The following KIF6 variants were observed in gnomAD, a reference collection of about 807,000 sequenced individuals.
The protein encoded by KIF6 is kinesin family member 6, also known as kinesin-like protein KIF6.
A neutral mutation model predicts 112.7 loss-of-function variants in KIF6; 106 were observed. The ratio of observed to expected loss-of-function variants is 0.94; its 90% CI spans 0.80 to 1.11. KIF6 has a LOEUF of 1.11. KIF6 is among the 50% of genes least tolerant of loss of function. KIF6 has a pLI of 0.00. For synonymous variants in KIF6, 339 were observed against 339.9 expected (o/e 1.00, Z 0.03); for missense variants, 929 against 964.0 (o/e 0.96, Z 0.48).
At chr6:39,693,615 G>C (rs1230176757) in intron 3 of KIF6, among the ~76,000 whole-genome samples, 1 of 151,812 alleles carries the variant, frequency 6.6e-6, no homozygotes. Flanking sequence ...GACTGAAACA[G>C]GAAGAAACAG....
intron 3 of KIF6, among the ~76,000 whole-genome samples, chr6:39,671,976 T>C (rs895748968): frequency 1.3e-5 from 2 of 152,214 alleles, no homozygotes; most frequent in African/African-American, 4.8e-5. Flanking sequence ...CACCCTGTGA[T>C]GGAATGGTGC....
intron 13 of KIF6, among the ~76,000 whole-genome samples, chr6:39,516,547 T>C (rs1302328160): frequency 6.6e-6 from 1 of 150,740 alleles, no homozygotes; most frequent in African/African-American, 2.4e-5. Context: ...ATAAAGGAAA[T>C]GATCTCATAC....
intron 13 of KIF6, among the ~76,000 whole-genome samples, chr6:39,530,688 T>C (rs2150543507): frequency 6.6e-6 from 1 of 152,168 alleles, no homozygotes; most frequent in South Asian, 2.1e-4. Flanking sequence ...TGGAGGTGAA[T>C]GGGAAATGAG....
At chr6:39,714,308 A>G (rs1789710100) in intron 3 of KIF6, among the ~76,000 whole-genome samples, 1 of 152,034 alleles carries the variant, frequency 6.6e-6, no homozygotes, top group Non-Finnish European at 1.5e-5. Context: ...TGTCCATCTA[A>G]CCATATGTTT....
chr6:39,463,097 T>G (rs9471112), intron 13 of KIF6, among the ~76,000 whole-genome samples: 27,588 of 152,100 alleles, frequency 0.18, 3,795 homozygotes, highest in African/African-American at 0.38. Flanking sequence ...CCCAACCCTC[T>G]CTACTTTCAA....
rs58810898 is a variant in KIF6, at chr6:39,349,631, C to CTTTTTTTTTT, written c.2181-3115_2181-3106dup. Among the ~76,000 whole-genome samples, 84 of 64,552 alleles carry CTTTTTTTTTT rather than the reference C, an allele frequency of 1.3e-3. 8 individuals carry two copies. The highest frequency in any genetic ancestry group is 4.3e-3 in the African/African-American group (67 of 15,490). The allele number at this position is 64,552 out of a possible 152,430, so 42.3% of individuals were successfully genotyped here. ...GAAGGTCTAGGTTTAATTTGTGGCT[C>CTTTTTTTTTT]TTTTTTTTTTTTTTTTTTTTTTTTT... On this transcript the variant is annotated intron_variant, in intron 19 of 22. Transcript: ENST00000287152.
At chr6:39,652,664 T>C (rs962443840) in intron 3 of KIF6, among the ~76,000 whole-genome samples, 1 of 152,318 alleles carries the variant, frequency 6.6e-6, no homozygotes, top group Non-Finnish European at 1.5e-5. Context: ...CTTATGTTTT[T>C]TTTCTTTTAG....
At chr6:39,374,307 A>G (rs9380850) in intron 16 of KIF6, among the ~76,000 whole-genome samples, 4,935 of 152,320 alleles carry the variant, frequency 0.032, 192 homozygotes, top group East Asian at 0.21. Context: ...GTTCAACAAC[A>G]TTAATCTAGG....
At chr6:39,707,876 T>C (rs1226518509) in intron 3 of KIF6, among the ~76,000 whole-genome samples, 1 of 152,250 alleles carries the variant, frequency 6.6e-6, no homozygotes, top group Non-Finnish European at 1.5e-5. Flanking sequence ...GTGATATGTC[T>C]GATTCAGAGT....
intron 7 of KIF6, among the ~76,000 whole-genome samples, chr6:39,589,891 C>A (rs1477975595): frequency 6.6e-6 from 1 of 152,194 alleles, no homozygotes; most frequent in African/African-American, 2.4e-5. Context: ...CTTAAAATAG[C>A]TAGAGCAGAT....
At chr6:39,550,077 G>A (rs1298377112) in intron 10 of KIF6, among the ~76,000 whole-genome samples, 3 of 152,022 alleles carry the variant, frequency 2.0e-5, no homozygotes, top group Admixed American at 1.3e-4. Flanking sequence ...AGAGACCAGC[G>A]ACCCAAGCTA....
chr6:39,673,240 G>C (rs1196830593), intron 3 of KIF6, among the ~76,000 whole-genome samples: 1 of 152,148 alleles, frequency 6.6e-6, no homozygotes, highest in Non-Finnish European at 1.5e-5. Context: ...AAGGGATGCT[G>C]GGAAAGACAA....
chr6:39,415,268 A>G (rs1316028256), intron 15 of KIF6, among the ~76,000 whole-genome samples: 1 of 151,316 alleles, frequency 6.6e-6, no homozygotes, highest in African/African-American at 2.4e-5. Flanking sequence ...GTCAACTAGA[A>G]GACCAATCGC....
At chr6:39,379,676 T>A (rs1430904204) in intron 16 of KIF6, among the ~76,000 whole-genome samples, 6 of 152,164 alleles carry the variant, frequency 3.9e-5, no homozygotes, top group Admixed American at 1.3e-4. Flanking sequence ...GGTAGCTGAA[T>A]CTGATACTTA....
intron 16 of KIF6, among the ~76,000 whole-genome samples, chr6:39,371,175 G>A (rs917683850): frequency 1.3e-5 from 2 of 152,180 alleles, no homozygotes; most frequent in African/African-American, 4.8e-5. Context: ...GCCAGTGGGA[G>A]CTGGCTCCAG....
At chr6:39,383,277 C>G (rs983782542) in intron 16 of KIF6, among the ~76,000 whole-genome samples, 1 of 152,164 alleles carries the variant, frequency 6.6e-6, no homozygotes, top group Non-Finnish European at 1.5e-5. Context: ...AGGTTTTCTT[C>G]TAGAATTTTA....
At chr6:39,437,914 A>G (rs1771643966) in intron 13 of KIF6, among the ~76,000 whole-genome samples, 1 of 152,144 alleles carries the variant, frequency 6.6e-6, no homozygotes, top group East Asian at 1.9e-4. Flanking sequence ...ACGGTACATA[A>G]TACTTGATAA....
rs562977242 is a variant in KIF6, at chr6:39,343,938, C to G, written c.2322-123G>C. 1.7e-6 allele frequency: 1 copy of G among 585,792 alleles called. No homozygotes were observed. The highest frequency in any genetic ancestry group is 2.2e-5 in the South Asian group (1 of 45,560). The allele number at this position is 585,792 out of a possible 1,614,324, so 36.3% of individuals were successfully genotyped here. A position where few individuals can be genotyped will look rare whatever the true frequency, so the allele number is the denominator to read the frequency against. On this transcript the variant is annotated intron_variant, in intron 21 of 22. Transcript: ENST00000287152. This position sits in a 1 kb window ranked among gnomAD's most constrained non-coding sequence, Gnocchi z 4.1. ...TCAGAAAGCTACATGACACGGCTGGCCTGCTTCTCACTCCCTCCTACCTTC... is the reference window on the plus strand; with the variant it reads ...TCAGAAAGCTACATGACACGGCTGGGCTGCTTCTCACTCCCTCCTACCTTC...
chr6:39,356,316 A>G (rs1764684934), intron 19 of KIF6, among the ~76,000 whole-genome samples: 1 of 150,878 alleles, frequency 6.6e-6, no homozygotes, highest in South Asian at 2.1e-4. Context: ...CCCAGGCTGG[A>G]GTGCAGTGGC....
Sources: gnomAD v4.1 joint callset for allele counts (sites outside exome capture counted in the v4.1 genomes callset) on GRCh38, gnomAD v4.1.1 for gene constraint, Gnocchi (gnomAD v3.1) non-coding constraint, MANE v1.5 for transcripts, NCBI Gene and HGNC (gene_info 2026-07-23, HGNC 2026-07-21) for gene names.